PAX3: variants seen among roughly 807,000 people sequenced by gnomAD.
The protein encoded by PAX3 is paired box protein Pax-3.
Under a neutral mutation model 51.6 loss-of-function variants are expected in PAX3, and 14 were observed. The observed-to-expected ratio is 0.27, with a 90% CI of 0.18 to 0.42. The LOEUF is 0.42. PAX3 is among the 10% of genes least tolerant of loss of function. PAX3 has a pLI of 1.00. For missense variants in PAX3, 540 were observed against 642.8 expected, an observed-to-expected ratio of 0.84 and a Z score of 1.73; for synonymous variants, 280 against 253.4, an observed-to-expected ratio of 1.11 and a Z score of -1.00.
rs765328167 is a variant in PAX3, at chr2:222,294,308, G to A, written c.452-7C>T. ...ATGCGGCTGATGGAACTCACTGGGG[G>A]CGGGAGGAGGAAGGAAGCAAGGGAG... On this transcript the variant is annotated splice_polypyrimidine_tract_variant and splice_region_variant and intron_variant, in intron 3 of 8. Transcript: ENST00000392070. The A allele has an allele frequency of 6.2e-7, 1 of 1,614,158 alleles. No homozygotes were observed. Among genetic ancestry groups the A allele is most frequent in the Non-Finnish European group, 8.5e-7 (1 of 1,180,042 alleles).
intron 7 of PAX3, chr2:222,214,601 T>C (rs982106052): frequency 6.6e-6 from 1 of 152,066 alleles, no homozygotes; most frequent in African/African-American, 2.4e-5. Context: ...TCTGTGATGA[T>C]TCAGCCGAAC....
At chr2:222,247,792 A>AT (rs962999427) in intron 4 of PAX3, among the ~76,000 whole-genome samples, 1 of 151,566 alleles carries the variant, frequency 6.6e-6, no homozygotes, top group Non-Finnish European at 1.5e-5. Flanking sequence ...GGAAAAAAAA[A>AT]TTTTTTTTTA....
intron 4 of PAX3, among the ~76,000 whole-genome samples, chr2:222,277,115 C>T (rs1445639837): frequency 6.6e-6 from 1 of 151,868 alleles, no homozygotes; most frequent in Non-Finnish European, 1.5e-5. Flanking sequence ...TTTTGTGGGA[C>T]CTGAAGCTTT....
At chr2:222,257,957 T>C (rs1329095208) in intron 4 of PAX3, among the ~76,000 whole-genome samples, 1 of 152,102 alleles carries the variant, frequency 6.6e-6, no homozygotes, top group African/African-American at 2.4e-5. Context: ...CAAACCCTTC[T>C]GGGGAAAAAG....
intron 7 of PAX3, among the ~76,000 whole-genome samples, chr2:222,211,465 C>T (rs934314030): frequency 6.6e-6 from 1 of 152,118 alleles, no homozygotes; most frequent in Non-Finnish European, 1.5e-5. Context: ...CCCTTATCTG[C>T]CTCATCCTAA....
intron 3 of PAX3, 78 bp from the exon 4 acceptor site, chr2:222,294,379 C>A: frequency 2.0e-6 from 3 of 1,526,928 alleles, no homozygotes; most frequent in East Asian, 2.3e-5. Flanking sequence ...GGACCCCCCA[C>A]CCCCAAACAC....
intron 7 of PAX3, among the ~76,000 whole-genome samples, chr2:222,216,845 G>A (rs1331368866): frequency 6.6e-6 from 1 of 152,118 alleles, no homozygotes; most frequent in Non-Finnish European, 1.5e-5. Context: ...TTCCAAGTGT[G>A]GATGGCAAAC....
At chr2:222,266,156 A>G (rs1559296656) in intron 4 of PAX3, among the ~76,000 whole-genome samples, 1 of 152,214 alleles carries the variant, frequency 6.6e-6, no homozygotes, top group Non-Finnish European at 1.5e-5. Context: ...GCCTACACGG[A>G]AACATATCCT....
At chr2:222,290,084 C>G (rs1448491755) in intron 4 of PAX3, among the ~76,000 whole-genome samples, 1 of 152,156 alleles carries the variant, frequency 6.6e-6, no homozygotes, top group African/African-American at 2.4e-5. Context: ...CCAAAATGGC[C>G]CTTCCTGCTC....
chr2:222,250,612 G>GA (rs1321871432), intron 4 of PAX3, among the ~76,000 whole-genome samples: 2 of 152,244 alleles, frequency 1.3e-5, no homozygotes, highest in African/African-American at 4.8e-5. Context: ...AAATTTACAA[G>GA]AAAAAAGAAT....
intron 4 of PAX3, among the ~76,000 whole-genome samples, chr2:222,272,759 C>T (rs985249731): frequency 6.6e-6 from 1 of 152,174 alleles, no homozygotes; most frequent in African/African-American, 2.4e-5. Context: ...CATGTTTTGT[C>T]AGCACTTGAT....
chr2:222,223,836 C>T (rs1216390177), intron 5 of PAX3, among the ~76,000 whole-genome samples: 2 of 152,156 alleles, frequency 1.3e-5, no homozygotes, highest in African/African-American at 4.8e-5. Flanking sequence ...AGGTACGCTT[C>T]GGTTTTTGTC....
chr2:222,240,392 T>A (rs1051464715), intron 4 of PAX3, among the ~76,000 whole-genome samples: 2 of 152,210 alleles, frequency 1.3e-5, no homozygotes, highest in Non-Finnish European at 1.5e-5. Flanking sequence ...TGTGCAGGAT[T>A]TCTATCCACA....
chr2:222,246,884 C>G (rs1193507096), intron 4 of PAX3, among the ~76,000 whole-genome samples: 1 of 152,144 alleles, frequency 6.6e-6, no homozygotes, highest in East Asian at 1.9e-4. Context: ...TAAAGCACTA[C>G]TCCTTTTGAT....
chr2:222,230,964 T>A (rs1692572778), intron 5 of PAX3, among the ~76,000 whole-genome samples: 2 of 152,224 alleles, frequency 1.3e-5, no homozygotes, highest in Non-Finnish European at 2.9e-5. Context: ...ATTTGTATGT[T>A]TATTTTTTTA....
chr2:222,269,673 C>T (rs1694181617), intron 4 of PAX3, among the ~76,000 whole-genome samples: 2 of 149,398 alleles, frequency 1.3e-5, no homozygotes, highest in South Asian at 2.1e-4. Context: ...AAAAAAAAGT[C>T]GTACTTAATC....
chr2:222,230,528 C>T (rs1486074831), intron 5 of PAX3, among the ~76,000 whole-genome samples: 1 of 151,986 alleles, frequency 6.6e-6, no homozygotes, highest in Non-Finnish European at 1.5e-5. Context: ...AAACCTGCCC[C>T]TTCTGCACAT....
At chr2:222,262,787 A>C (rs549665985) in intron 4 of PAX3, 3 of 152,198 alleles carry the variant, frequency 2.0e-5, no homozygotes, top group Admixed American at 1.3e-4. Flanking sequence ...ACACAGATAT[A>C]TATATGGAAC....
At chr2:222,209,562 A>T (rs1691639401) in intron 7 of PAX3, among the ~76,000 whole-genome samples, 3 of 151,898 alleles carry the variant, frequency 2.0e-5, no homozygotes, top group African/African-American at 7.3e-5. Context: ...GCATTCATTT[A>T]AAATTCATGG....
Sources: gnomAD v4.1 joint callset for allele counts (sites outside exome capture counted in the v4.1 genomes callset) on GRCh38, gnomAD v4.1.1 for gene constraint, MANE v1.5 for transcripts, NCBI Gene and HGNC (gene_info 2026-07-23, HGNC 2026-07-21) for gene names.